The following GAPVD1 variants were observed in gnomAD, a reference collection of about 807,000 sequenced individuals.
GAPVD1 encodes GTPase activating protein and VPS9 domains 1.
In GAPVD1, 35 loss-of-function variants were observed where a neutral mutation model predicts 155.5. The ratio of observed to expected loss-of-function variants is 0.23; its 90% CI spans 0.17 to 0.30. The LOEUF is 0.30. GAPVD1 is among the 10% of genes least tolerant of loss of function. The pLI, the probability that GAPVD1 is intolerant of heterozygous loss-of-function variation, is 1.00. For synonymous variants in GAPVD1, 636 were observed against 619.7 expected (o/e 1.03, Z -0.39); for missense variants, 1,429 against 1,775.7 (o/e 0.80, Z 3.51).
chr9:125,307,947 T>G, intron 8 of GAPVD1, 67 bp downstream of exon 8: 1 of 1,106,410 alleles, frequency 9.0e-7, no homozygotes, highest in Non-Finnish European at 1.4e-6. Context: ...TTGTTATTGC[T>G]GAGTGTTTTG....
chr9:125,305,799 G>C (rs1470804291), intron 6 of GAPVD1, among the ~76,000 whole-genome samples: 1 of 151,966 alleles, frequency 6.6e-6, no homozygotes, highest in Non-Finnish European at 1.5e-5. Flanking sequence ...GGCTATAGGG[G>C]CACACCACCA....
chr9:125,262,491 C>T (rs759442103), intron 1 of GAPVD1, among the ~76,000 whole-genome samples: 8 of 152,124 alleles, frequency 5.3e-5, no homozygotes, highest in Non-Finnish European at 1.0e-4. Context: ...TTGTTTCCAT[C>T]CCTTTTCTTT....
At chr9:125,305,810 T>C (rs1399745575) in intron 6 of GAPVD1, among the ~76,000 whole-genome samples, 4 of 152,012 alleles carry the variant, frequency 2.6e-5, no homozygotes, top group Non-Finnish European at 5.9e-5. Flanking sequence ...CACACCACCA[T>C]GCCCGGCTAA....
intron 21 of GAPVD1, among the ~76,000 whole-genome samples, chr9:125,350,026 G>A (rs1170098808): frequency 6.6e-6 from 1 of 152,030 alleles, no homozygotes; most frequent in Non-Finnish European, 1.5e-5. Flanking sequence ...TATAGCACCC[G>A]TCATGGAACT....
In GAPVD1 at chr9:125,337,330, A is replaced by T; in HGVS notation, c.2616A>T (p.Pro872=). The part of the protein sequence containing the change: ...GAVGGNEARL[P]NFGSHVLTPA... Reference sequence around the variant, plus strand: ...TGGGAGGAAATGAGGCCAGGTTGCCAAACTTTGGTTCCCATGTTTTAACTC... The same window carrying T: ...TGGGAGGAAATGAGGCCAGGTTGCCTAACTTTGGTTCCCATGTTTTAACTC... The change falls in exon 17 of 28, where the codon CCA becomes CCT. Residue 872 remains proline (P), a synonymous_variant. Transcript: ENST00000297933. The T allele has an allele frequency of 1.9e-6, 3 of 1,614,200 alleles. No homozygotes were observed. Among genetic ancestry groups the T allele is most frequent in the Non-Finnish European group, 2.5e-6 (3 of 1,180,044 alleles).
Position 125,362,848 on chromosome 9 carries a change from T to A in GAPVD1, c.*102T>A. 1 of 989,790 alleles carries A rather than the reference T, an allele frequency of 1.0e-6. No homozygotes were observed. Among genetic ancestry groups the A allele is most frequent in the African/African-American group, 1.6e-5 (1 of 61,800 alleles). 61.3% of individuals were successfully genotyped at this position (989,790 alleles called of 1,614,324 possible). On this transcript the variant is annotated 3_prime_UTR_variant, in exon 28 of 28. Coordinates refer to ENST00000297933, the MANE Select transcript of GAPVD1 (RefSeq NM_001282680.3). The stretch of plus-strand genomic sequence containing the variant: ...GAAGGCTGAAGATTGTTTTGTATGA[T>A]ACTGCACAGCATCAGGCATTTTAAA...
At chr9:125,340,057 G>C (rs978723253) in intron 17 of GAPVD1, among the ~76,000 whole-genome samples, 5 of 152,278 alleles carry the variant, frequency 3.3e-5, no homozygotes, top group African/African-American at 7.2e-5. Context: ...GTCTCACTCT[G>C]TCGCCCAGGC....
chr9:125,281,952 G>A (rs1190329208), intron 2 of GAPVD1, among the ~76,000 whole-genome samples: 1 of 151,612 alleles, frequency 6.6e-6, no homozygotes, highest in African/African-American at 2.4e-5. Flanking sequence ...CAAGTAGCTG[G>A]GATTACAATA....
intron 24 of GAPVD1, 69 bp from the exon 25 acceptor site, chr9:125,355,575 G>T: frequency 1.0e-6 from 1 of 977,050 alleles, no homozygotes. Context: ...TTATTTCTAT[G>T]ATTTCCTTTT....
chr9:125,296,547 TTTCTCCATGA>T (rs1479010764), intron 3 of GAPVD1, among the ~76,000 whole-genome samples: 2 of 151,288 alleles, frequency 1.3e-5, no homozygotes, highest in Non-Finnish European at 2.9e-5. Context: ...AGAGACCAGG[TTTCTCCATGA>T]TGGTCAGGCT....
chr9:125,357,164 T>C (rs1292966929), intron 25 of GAPVD1, among the ~76,000 whole-genome samples: 1 of 152,204 alleles, frequency 6.6e-6, no homozygotes, highest in Non-Finnish European at 1.5e-5. Context: ...CTTTGATGAA[T>C]GTTCTCTCCA....
rs1475423753 is a variant in GAPVD1, at chr9:125,321,438, A to G, written c.1608A>G (p.Leu536=). Residue 536 remains leucine, a synonymous_variant, in exon 10 of 28, where the codon CTA becomes CTG. Coordinates refer to ENST00000297933, the MANE Select transcript of GAPVD1 (RefSeq NM_001282680.3). ...TPGMMSENEV[L]NMQLSDGGQG... is the part of the protein sequence containing the mutation. ...ATTGACATTTTATTTTTTAGGTCCT[A>G]AACATGCAGCTTTCGGATGGAGGAC... is the stretch of plus-strand genomic sequence containing the variant. 6.2e-7 allele frequency: 1 copy of G among 1,611,702 alleles called. No homozygotes were observed. The highest frequency in any genetic ancestry group is 8.5e-7 in the Non-Finnish European group (1 of 1,178,374).
chr9:125,340,647 G>T (rs1324319563), intron 17 of GAPVD1, among the ~76,000 whole-genome samples: 2 of 151,972 alleles, frequency 1.3e-5, no homozygotes, highest in African/African-American at 4.8e-5. Flanking sequence ...GAGTTTATTT[G>T]TACTGCATTT....
intron 17 of GAPVD1, among the ~76,000 whole-genome samples, chr9:125,340,926 T>TA (rs1293601537): frequency 3.3e-5 from 5 of 152,082 alleles, no homozygotes; most frequent in African/African-American, 1.2e-4. Flanking sequence ...AAAATAAAAA[T>TA]AAAAAATTAG....
chr9:125,346,524 T>G, intron 19 of GAPVD1: 3 of 435,206 alleles, frequency 6.9e-6, no homozygotes, highest in Non-Finnish European at 1.3e-5. Context: ...GTGATTTGAG[T>G]GCAAACACTT....
intron 8 of GAPVD1, among the ~76,000 whole-genome samples, chr9:125,309,566 C>T (rs1842356414): frequency 6.6e-6 from 1 of 152,170 alleles, no homozygotes; most frequent in South Asian, 2.1e-4. Flanking sequence ...AACTCCTGAC[C>T]TCAGGTGATC....
chr9:125,296,615 A>C (rs1235969062), intron 3 of GAPVD1, among the ~76,000 whole-genome samples: 3 of 144,722 alleles, frequency 2.1e-5, no homozygotes, highest in Non-Finnish European at 4.5e-5. Context: ...TGGCCTCCCA[A>C]AGTGCTGGGA....
chr9:125,344,240 A>G (rs1384304852), intron 19 of GAPVD1, among the ~76,000 whole-genome samples: 2 of 152,116 alleles, frequency 1.3e-5, no homozygotes, highest in African/African-American at 4.8e-5. Context: ...TTTTCCTGTT[A>G]TCTCCTAATC....
chr9:125,309,808 A>G (rs1396506980), intron 8 of GAPVD1: 1 of 214,510 alleles, frequency 4.7e-6, no homozygotes, highest in Non-Finnish European at 1.1e-5. Flanking sequence ...TTTCAAATGT[A>G]TGCCCAATAT....
Sources: allele counts gnomAD v4.1 joint callset (sites outside exome capture counted in the v4.1 genomes callset), GRCh38; gene constraint gnomAD v4.1.1; transcripts MANE v1.5; gene names NCBI Gene and HGNC (gene_info 2026-07-23, HGNC 2026-07-21).